CEBPZOS: variants seen among roughly 807,000 people sequenced by gnomAD.
The protein encoded by CEBPZOS is protein CEBPZOS.
CEBPZOS carries 10 observed loss-of-function variants against 4.8 expected under a neutral mutation model. The ratio of observed to expected loss-of-function variants is 2.07; its 90% CI spans 1.28 to 3.52. The LOEUF (loss-of-function observed/expected upper bound fraction) is 3.52. Ranked by LOEUF, CEBPZOS falls within the 30% of genes most tolerant of loss-of-function variation. The probability of loss-of-function intolerance (pLI) is 0.00; values close to 1 mark genes in which losing one functional copy is unlikely to be tolerated. For missense variants in CEBPZOS, 98 were observed against 43.6 expected (o/e 2.25, Z -3.51); for synonymous variants, 25 against 14.2 (o/e 1.77, Z -1.72).
intron 4 of CEBPZOS, chr2:37,211,967 TTCA>T: frequency 1.2e-6 from 2 of 1,613,650 alleles, no homozygotes; most frequent in Non-Finnish European, 8.5e-7. Context: ...GGTTACCAAG[TTCA>T]TCATCACTAC....
rs150031498 is a variant in CEBPZOS at position 37,197,358 on chromosome 2, C to T, written c.-2+838C>T. 3.3e-5 allele frequency: 5 copies of T among 152,314 alleles called. No homozygotes were observed. In the East Asian group the frequency reaches 9.6e-4, roughly 29 times the overall value. The allele number at this position is 152,314 out of a possible 1,614,324, so 9.4% of individuals were successfully genotyped here. A position where few individuals can be genotyped will look rare whatever the true frequency, so the allele number is the denominator to read the frequency against. The stretch of plus-strand genomic sequence containing the variant: ...ATATGTATTTTTAAAAAGGTAAATA[C>T]TTTGTTGTACGGTGTTATTTGGAGG... On this transcript the variant is annotated intron_variant, in intron 1 of 4. Transcript: ENST00000402297.
At position 37,202,548 on chromosome 2, in the gene CEBPZOS, G is replaced by C. The variant is rs1677305959; in HGVS notation, c.*688G>C. 4 of 332,400 alleles carry C rather than the reference G, an allele frequency of 1.2e-5. No individual in the cohort carries two copies. The highest frequency in any genetic ancestry group is 4.8e-5 in the Admixed American group (1 of 20,830). The allele number at this position is 332,400 out of a possible 1,614,324, so 20.6% of individuals were successfully genotyped here. ...TAATCCCAGCTACTTGGGAGGCTAAGGTAGGAGAATTACTTGAACATGGGA... is the reference window on the plus strand; with the variant it reads ...TAATCCCAGCTACTTGGGAGGCTAACGTAGGAGAATTACTTGAACATGGGA... On this transcript the variant is annotated 3_prime_UTR_variant, in exon 5 of 5. Transcript: ENST00000402297.
At position 37,211,223 on chromosome 2, in the gene CEBPZOS, A is replaced by G. The variant is rs1397138587; in HGVS notation, c.*3-2214A>G. ...ATGTGGGTTTTGTAATTCCACTAGC[A>G]TAGGCTTGAGGACAGACTGAGAAAA... On this transcript the variant is annotated intron_variant, in intron 4 of 4. Coordinates refer to the CEBPZOS transcript ENST00000397064. The G allele has an allele frequency of 5.6e-6, 3 of 535,240 alleles. No individual in the cohort carries two copies. The Admixed American group carries it at 1.1e-4, about 19-fold the overall frequency. 33.2% of individuals were successfully genotyped at this position (535,240 alleles called of 1,614,324 possible).
rs747793120 is a variant in CEBPZOS at position 37,203,019 on chromosome 2, T to C, written c.*1159T>C. 11 of 1,506,928 alleles carry C rather than the reference T, an allele frequency of 7.3e-6. No homozygotes were observed. Among genetic ancestry groups the C allele is most frequent in the Non-Finnish European group, 8.9e-6 (10 of 1,117,950 alleles). The allele number at this position is 1,506,928 out of a possible 1,614,324, so 93.3% of individuals were successfully genotyped here. A position where few individuals can be genotyped will look rare whatever the true frequency, so the allele number is the denominator to read the frequency against. The stretch of plus-strand genomic sequence containing the variant: ...TCTTTTTTCTTGGCCCTAAAAAAAA[T>C]TGTAAGTCTACATTATTCAATTATA... On this transcript the variant is annotated 3_prime_UTR_variant, in exon 5 of 5. Transcript: ENST00000402297.
downstream of CEBPZOS, among the ~76,000 whole-genome samples, chr2:37,206,170 T>C (rs1677532723): frequency 6.6e-6 from 1 of 152,118 alleles, no homozygotes; most frequent in Non-Finnish European, 1.5e-5. Flanking sequence ...AAATGGCGGA[T>C]AAGGGGACAG....
chr2:37,200,523 A>G (rs1427918814), intron 2 of CEBPZOS, among the ~76,000 whole-genome samples: 2 of 152,088 alleles, frequency 1.3e-5, no homozygotes, highest in Non-Finnish European at 2.9e-5. Flanking sequence ...AAACAAATTA[A>G]AGCTTGGGAT....
downstream of CEBPZOS, chr2:37,204,762 A>T (rs1453318299): frequency 6.6e-6 from 1 of 152,222 alleles, no homozygotes; most frequent in East Asian, 1.9e-4. Context: ...TTTTTGTTTC[A>T]GTCAATTCTG....
At chr2:37,199,057 G>A (rs1485064589) in intron 1 of CEBPZOS, among the ~76,000 whole-genome samples, 2 of 152,178 alleles carry the variant, frequency 1.3e-5, no homozygotes, top group Non-Finnish European at 2.9e-5. Context: ...GGGAGGCTGA[G>A]GTGGGAGGAT....
At chr2:37,213,404 A>AT (rs1192656623) in intron 4 of CEBPZOS, 1 of 153,146 alleles carries the variant, frequency 6.5e-6, no homozygotes, top group African/African-American at 2.4e-5. Flanking sequence ...TATCATAAAA[A>AT]TATTTGTTTC....
downstream of CEBPZOS, among the ~76,000 whole-genome samples, chr2:37,214,622 T>C (rs1677825590): frequency 6.6e-6 from 1 of 152,176 alleles, no homozygotes; most frequent in Admixed American, 6.5e-5. Flanking sequence ...TACTAAGATA[T>C]ATTAAGATTA....
chr2:37,203,647 G>T lies in CEBPZOS; in HGVS notation c.*1787G>T, dbSNP rs938388806. The T allele has an allele frequency of 6.6e-6, 1 of 152,152 alleles. No homozygotes were observed. The highest frequency in any genetic ancestry group is 1.9e-4 in the East Asian group (1 of 5,192). The allele number at this position is 152,152 out of a possible 1,614,324, so 9.4% of individuals were successfully genotyped here. A position where few individuals can be genotyped will look rare whatever the true frequency, so the allele number is the denominator to read the frequency against. On this transcript the variant is annotated 3_prime_UTR_variant, in exon 5 of 5. Coordinates refer to ENST00000402297, the MANE Select transcript of CEBPZOS (RefSeq NM_001322374.2). ...ATTAACGCATTTTGGTAAATTTACAGACTTGTTCAACCACAACCACAGTCT... is the reference window on the plus strand; with the variant it reads ...ATTAACGCATTTTGGTAAATTTACATACTTGTTCAACCACAACCACAGTCT...
intron 1 of CEBPZOS, among the ~76,000 whole-genome samples, chr2:37,197,669 AGCCTG>A (rs1447632005): frequency 6.6e-6 from 1 of 150,520 alleles, no homozygotes; most frequent in East Asian, 2.0e-4. Context: ...GTCGGAAGTT[AGCCTG>A]GCCAACATGG....
rs879745181 is a variant in CEBPZOS, at chr2:37,212,073, G to T, written c.*3-1364G>T. 53 of 1,538,038 alleles carry T rather than the reference G, an allele frequency of 3.4e-5. 1 individual carries two copies. The highest frequency in any genetic ancestry group is 4.6e-5 in the Non-Finnish European group (53 of 1,144,238). ...AAACACAACTTGTAATACAAGAGGAGGCAGTATTTTCTAAAGTAGTGTTTT... is the reference window on the plus strand; with the variant it reads ...AAACACAACTTGTAATACAAGAGGATGCAGTATTTTCTAAAGTAGTGTTTT... On this transcript the variant is annotated intron_variant, in intron 4 of 4. Coordinates refer to the CEBPZOS transcript ENST00000397064.
intron 1 of CEBPZOS, chr2:37,197,231 C>G (rs1032685816): frequency 1.3e-5 from 2 of 152,352 alleles, no homozygotes; most frequent in African/African-American, 4.8e-5. Flanking sequence ...GCTAGTAAAC[C>G]TCACTTCTTT....
intron 1 of CEBPZOS, among the ~76,000 whole-genome samples, chr2:37,197,536 A>G (rs1003261917): frequency 6.6e-6 from 1 of 152,210 alleles, no homozygotes; most frequent in Non-Finnish European, 1.5e-5. Context: ...GAATAATGGA[A>G]CTGGCTGCAG....
downstream of CEBPZOS, chr2:37,209,497 A>G (rs901927091): frequency 2.0e-5 from 3 of 152,204 alleles, no homozygotes; most frequent in African/African-American, 7.2e-5. Context: ...CCAAATACTT[A>G]CAACCATCTG....
At chr2:37,211,771 A>C in intron 4 of CEBPZOS, 1 of 1,151,678 alleles carries the variant, frequency 8.7e-7, no homozygotes, top group South Asian at 1.6e-5. Context: ...AAAAACCTTT[A>C]GCAGAAAAAC....
chr2:37,211,621 A>T (rs2239650), intron 4 of CEBPZOS: 1 of 463,278 alleles, frequency 2.2e-6, no homozygotes, highest in Admixed American at 3.9e-5. Context: ...GGTTAAAGTA[A>T]AAGTCCAAAG....
intron 4 of CEBPZOS, chr2:37,211,945 C>A: frequency 1.2e-6 from 2 of 1,613,826 alleles, no homozygotes; most frequent in Non-Finnish European, 1.7e-6. Flanking sequence ...AAAGAAACTT[C>A]ATCGTCATCC....
Sources: gnomAD v4.1 joint callset for allele counts (sites outside exome capture counted in the v4.1 genomes callset) on GRCh38, gnomAD v4.1.1 for gene constraint, MANE v1.5 for transcripts, NCBI Gene and HGNC (gene_info 2026-07-23, HGNC 2026-07-21) for gene names.